Variants in LPP observed in about 807,000 individuals in gnomAD.
LPP encodes LIM domain containing preferred translocation partner in lipoma.
LPP carries 38 observed loss-of-function variants against 60.4 expected under a neutral mutation model. The observed-to-expected ratio is 0.63, with a 90% CI of 0.49 to 0.83. LPP has a LOEUF of 0.83. Ranked by LOEUF, LPP falls within the 40% of genes least tolerant of loss-of-function variation. The pLI, the probability that LPP is intolerant of heterozygous loss-of-function variation, is 0.00. For missense variants in LPP, 902 were observed against 783.6 expected (o/e 1.15, Z -1.80); for synonymous variants, 328 against 290.8 (o/e 1.13, Z -1.30).
chr3:188,707,828 C>T (rs1301619481), intron 7 of LPP, among the ~76,000 whole-genome samples: 2 of 152,144 alleles, frequency 1.3e-5, no homozygotes, highest in African/African-American at 4.8e-5. Context: ...GGAAGTCCGT[C>T]GCGGGCTATG....
intron 3 of LPP, among the ~76,000 whole-genome samples, chr3:188,363,632 C>T (rs918421010): frequency 4.6e-5 from 7 of 152,078 alleles, no homozygotes; most frequent in Admixed American, 6.5e-5. Flanking sequence ...CTGGGCTGAG[C>T]GCAGTGGCTC....
At chr3:188,520,568 C>T (rs955248751) in intron 5 of LPP, among the ~76,000 whole-genome samples, 1 of 152,232 alleles carries the variant, frequency 6.6e-6, no homozygotes, top group African/African-American at 2.4e-5. Context: ...TGGGTGGAGA[C>T]TCAGCCAAAC....
At chr3:188,503,940 T>C (rs7644529) in intron 5 of LPP, among the ~76,000 whole-genome samples, 29,132 of 152,166 alleles carry the variant, frequency 0.19, 3,193 homozygotes, top group East Asian at 0.43. Flanking sequence ...ATCTTACTTG[T>C]ACTTTTTTGA....
chr3:188,470,738 C>A (rs1432427005), intron 4 of LPP, among the ~76,000 whole-genome samples: 1 of 152,038 alleles, frequency 6.6e-6, no homozygotes, highest in Non-Finnish European at 1.5e-5. Context: ...AGAGGAAACT[C>A]TTAACGGAGA....
chr3:188,795,689 TTCA>T (rs199673929), intron 9 of LPP, among the ~76,000 whole-genome samples: 2 of 151,960 alleles, frequency 1.3e-5, no homozygotes, highest in Non-Finnish European at 1.5e-5. Flanking sequence ...CTGTCATGCT[TTCA>T]TCATCATCAT....
intron 2 of LPP, among the ~76,000 whole-genome samples, chr3:188,339,875 T>G (rs1262118499): frequency 1.3e-5 from 2 of 152,238 alleles, no homozygotes; most frequent in Non-Finnish European, 2.9e-5. Flanking sequence ...TGGTGAGATC[T>G]GAGAAAGTGT....
chr3:188,271,244 A>G (rs1380935805), intron 2 of LPP, among the ~76,000 whole-genome samples: 1 of 152,222 alleles, frequency 6.6e-6, no homozygotes, highest in Non-Finnish European at 1.5e-5. Flanking sequence ...CTGCATCTTC[A>G]TGGTCTTCTT....
intron 8 of LPP, among the ~76,000 whole-genome samples, chr3:188,727,719 C>T (rs1156892052): frequency 2.0e-5 from 3 of 152,132 alleles, no homozygotes; most frequent in African/African-American, 7.2e-5. Flanking sequence ...GAACACTTCA[C>T]ATAGCTGGTC....
intron 8 of LPP, among the ~76,000 whole-genome samples, chr3:188,755,738 A>T (rs1729924176): frequency 7.1e-6 from 1 of 140,300 alleles, no homozygotes; most frequent in Non-Finnish European, 1.5e-5. Flanking sequence ...TGAGCCCAGG[A>T]GTTCAAGGGT....
At chr3:188,390,556 T>C (rs923546267) in intron 3 of LPP, among the ~76,000 whole-genome samples, 12 of 151,492 alleles carry the variant, frequency 7.9e-5, no homozygotes, top group African/African-American at 2.9e-4. Context: ...TGGAAGGCCC[T>C]GGCCTGCAGC....
At chr3:188,468,145 G>C (rs1800934886) in intron 4 of LPP, among the ~76,000 whole-genome samples, 1 of 152,130 alleles carries the variant, frequency 6.6e-6, no homozygotes. Context: ...TTTACTCAGT[G>C]TGTATGCACC....
At chr3:188,693,961 C>G (rs182978277) in intron 7 of LPP, among the ~76,000 whole-genome samples, 1 of 152,266 alleles carries the variant, frequency 6.6e-6, no homozygotes, top group East Asian at 1.9e-4. Context: ...TCTAGATGAC[C>G]TTGAATAACT....
chr3:188,477,612 C>G (rs1803577527), intron 4 of LPP, among the ~76,000 whole-genome samples: 1 of 152,066 alleles, frequency 6.6e-6, no homozygotes. Flanking sequence ...CTCAGCTGAA[C>G]AATTGGAGAT....
chr3:188,839,759 T>A (rs1759442887), intron 9 of LPP, among the ~76,000 whole-genome samples: 2 of 151,832 alleles, frequency 1.3e-5, no homozygotes, highest in African/African-American at 4.8e-5. Flanking sequence ...GCGCCTGTAA[T>A]CTCAGCTACT....
At chr3:188,542,480 T>C (rs1270436420) in intron 6 of LPP, among the ~76,000 whole-genome samples, 1 of 152,198 alleles carries the variant, frequency 6.6e-6, no homozygotes, top group African/African-American at 2.4e-5. Flanking sequence ...AGAATCCTTT[T>C]ATTTCCCTCC....
At chr3:188,817,723 A>G (rs530572072) in intron 9 of LPP, among the ~76,000 whole-genome samples, 2 of 152,186 alleles carry the variant, frequency 1.3e-5, no homozygotes, top group Non-Finnish European at 2.9e-5. Context: ...GTCACTTTGT[A>G]TACAGAACAA....
intron 5 of LPP, among the ~76,000 whole-genome samples, chr3:188,500,384 AC>A (rs1016674745): frequency 6.6e-6 from 1 of 152,040 alleles, no homozygotes; most frequent in African/African-American, 2.4e-5. Flanking sequence ...ATAATATATA[AC>A]CTTGATTTGT....
At chr3:188,386,074 A>C (rs1778184043) in intron 3 of LPP, among the ~76,000 whole-genome samples, 1 of 152,108 alleles carries the variant, frequency 6.6e-6, no homozygotes, top group Admixed American at 6.5e-5. Flanking sequence ...CTTTTTTTCA[A>C]TAGGTGAACA....
At chr3:188,800,919 G>T (rs1488411375) in intron 9 of LPP, among the ~76,000 whole-genome samples, 1 of 151,958 alleles carries the variant, frequency 6.6e-6, no homozygotes, top group Non-Finnish European at 1.5e-5. Context: ...TTAGTGTATT[G>T]GTAGTTATAT....
Sources: allele counts gnomAD v4.1 joint callset (sites outside exome capture counted in the v4.1 genomes callset), GRCh38; gene constraint gnomAD v4.1.1; transcripts MANE v1.5; gene names NCBI Gene and HGNC (gene_info 2026-07-23, HGNC 2026-07-21).